Variants in ENOX2 observed in about 807,000 individuals in gnomAD.
The protein encoded by ENOX2 is ecto-NOX disulfide-thiol exchanger 2.
A neutral mutation model predicts 45.0 loss-of-function variants in ENOX2; 36 were observed. The observed-to-expected ratio is 0.80, with a 90% CI of 0.61 to 1.06. The LOEUF is 1.06. Ranked by LOEUF, ENOX2 falls within the 50% of genes least tolerant of loss-of-function variation. The pLI, the probability that ENOX2 is intolerant of heterozygous loss-of-function variation, is 0.00. For synonymous variants in ENOX2, 174 were observed against 152.3 expected, an observed-to-expected ratio of 1.14 and a Z score of -1.05; for missense variants, 423 against 462.5, an observed-to-expected ratio of 0.91 and a Z score of 0.78.
chrX:130,838,374 C>T (rs924301668), intron 2 of ENOX2, among the ~76,000 whole-genome samples: 18 of 111,632 alleles, frequency 1.6e-4, no homozygotes, highest in African/African-American at 5.2e-4. Context: ...AAGAGCGAAA[C>T]TCTGTCTCAA....
chrX:130,802,070 G>A (rs1040827485), intron 2 of ENOX2, among the ~76,000 whole-genome samples: 3 of 111,769 alleles, frequency 2.7e-5, no homozygotes, highest in African/African-American at 9.7e-5. Flanking sequence ...TCCCCCTGCC[G>A]CCCACATGCC....
In ENOX2 at chrX:130,747,300, A is replaced by C. The variant is rs1467271320; in HGVS notation, c.-39+36247T>G. Reference sequence around the variant, plus strand: ...TTTTTTCAACTCACTTAAGACAGCAATTAGCACTTAGCAGAAAGTCTGAAT... The same window carrying C: ...TTTTTTCAACTCACTTAAGACAGCACTTAGCACTTAGCAGAAAGTCTGAAT... On this transcript the variant is annotated intron_variant, in intron 3 of 14. Transcript: ENST00000394363. 3.6e-5 allele frequency among the ~76,000 whole-genome samples: 4 copies of C among 111,373 alleles called. No individual in the cohort carries two copies. In the Admixed American group the frequency reaches 3.8e-4, roughly 11 times the overall value.
intron 2 of ENOX2, among the ~76,000 whole-genome samples, chrX:130,888,773 C>A (rs2078945576): frequency 8.9e-6 from 1 of 111,899 alleles, no homozygotes; most frequent in Admixed American, 9.5e-5. Context: ...TCTTAAAATT[C>A]TATAGCAGGG....
intron 10 of ENOX2, among the ~76,000 whole-genome samples, chrX:130,651,706 T>C (rs891545259): frequency 2.7e-5 from 3 of 112,073 alleles, no homozygotes; most frequent in Non-Finnish European, 5.6e-5. Flanking sequence ...TTATTCCAAA[T>C]CGGTTCCCTT....
chrX:130,645,862 C>T (rs2036219957), intron 10 of ENOX2: 1 of 679,100 alleles, frequency 1.5e-6, no homozygotes, highest in East Asian at 3.2e-5. Context: ...GAGAGGAATC[C>T]CCTGCAGGTT....
intron 2 of ENOX2, among the ~76,000 whole-genome samples, chrX:130,879,024 C>T (rs1342832345): frequency 8.9e-6 from 1 of 111,886 alleles, no homozygotes; most frequent in Non-Finnish European, 1.9e-5. Context: ...ATATTCCTTA[C>T]CACAAATTGA....
rs1327590805 is a variant in ENOX2 at position 130,679,666 on chromosome X, C to T, written c.336G>A (p.Glu112=). 5.8e-6 allele frequency: 7 copies of T among 1,208,994 alleles called. No individual in the cohort carries two copies. In the South Asian group the frequency reaches 8.8e-5, roughly 15 times the overall value. ...FVGGLPENGT[E]QIIVEVFEQC... ...GCTCGAAAACTTCCACAATGATTTG[C>T]TCTGTCCCATTTTCAGGCAGACCAC... The change falls in exon 6 of 15, where the codon GAG becomes GAA. Residue 112 remains glutamate (E), a synonymous_variant. Transcript: ENST00000394363.
chrX:130,693,023 A>G (rs2037654176), intron 4 of ENOX2, among the ~76,000 whole-genome samples: 1 of 111,908 alleles, frequency 8.9e-6, no homozygotes. Context: ...TAATGTTTCC[A>G]TGTAGCTTTG....
At chrX:130,884,723 TGAGAGAGA>T (rs369147801) in intron 2 of ENOX2, among the ~76,000 whole-genome samples, 2 of 106,262 alleles carry the variant, frequency 1.9e-5, no homozygotes, top group Non-Finnish European at 3.9e-5. Context: ...TGCTGATCTA[TGAGAGAGA>T]GAGAGAGAGA....
At chrX:130,830,240 G>A (rs1048370357) in intron 2 of ENOX2, among the ~76,000 whole-genome samples, 2 of 111,681 alleles carry the variant, frequency 1.8e-5, no homozygotes, top group African/African-American at 6.5e-5. Context: ...GAGCAAATGG[G>A]CTTCACGTTC....
At chrX:130,782,564 T>C (rs2076912566) in intron 3 of ENOX2, among the ~76,000 whole-genome samples, 1 of 112,151 alleles carries the variant, frequency 8.9e-6, no homozygotes, top group African/African-American at 3.2e-5. Context: ...ACAAATATCT[T>C]GATTTATAAG....
chrX:130,834,025 T>G (rs896018855), intron 2 of ENOX2, among the ~76,000 whole-genome samples: 2 of 111,486 alleles, frequency 1.8e-5, no homozygotes, highest in African/African-American at 3.3e-5. Context: ...GGAGCTTACA[T>G]TTTAAATGGG....
At chrX:130,655,505 C>A (rs1324481386) in intron 10 of ENOX2, among the ~76,000 whole-genome samples, 1 of 111,801 alleles carries the variant, frequency 8.9e-6, no homozygotes, top group Non-Finnish European at 1.9e-5. Flanking sequence ...CACACACGCA[C>A]ACACACGTAC....
intron 10 of ENOX2, among the ~76,000 whole-genome samples, chrX:130,649,520 A>G (rs1285594151): frequency 8.9e-6 from 1 of 111,815 alleles, no homozygotes; most frequent in Non-Finnish European, 1.9e-5. Flanking sequence ...TCTGGTTAGA[A>G]GTATCTTCTA....
At chrX:130,627,582 A>G (rs1392878440) in intron 14 of ENOX2, among the ~76,000 whole-genome samples, 1 of 110,689 alleles carries the variant, frequency 9.0e-6, no homozygotes, top group African/African-American at 3.3e-5. Flanking sequence ...CCCTGTCTCA[A>G]AAAAAAAAGT....
intron 3 of ENOX2, among the ~76,000 whole-genome samples, chrX:130,769,488 G>A (rs909589548): frequency 5.4e-5 from 6 of 112,102 alleles, no homozygotes; most frequent in South Asian, 3.7e-4. Flanking sequence ...CTGATTAAAT[G>A]AGAGTAAATT....
intron 7 of ENOX2, among the ~76,000 whole-genome samples, chrX:130,668,921 C>A (rs747377766): frequency 8.9e-6 from 1 of 112,164 alleles, no homozygotes; most frequent in Non-Finnish European, 1.9e-5. Context: ...TTGGACCTGG[C>A]GTCTTACCAA....
intron 2 of ENOX2, among the ~76,000 whole-genome samples, chrX:130,857,577 T>C: frequency 8.9e-6 from 1 of 111,873 alleles, no homozygotes; most frequent in Non-Finnish European, 1.9e-5. Context: ...CAGTTAACAA[T>C]ACTCATTGTA....
At chrX:130,777,493 C>CA (rs1206232015) in intron 3 of ENOX2, among the ~76,000 whole-genome samples, 663 of 78,431 alleles carry the variant, frequency 8.5e-3, no homozygotes, top group African/African-American at 0.013. Context: ...CTCTCTCTCT[C>CA]AAAAAAAAAA....
Sources: allele counts gnomAD v4.1 joint callset (sites outside exome capture counted in the v4.1 genomes callset), GRCh38; gene constraint gnomAD v4.1.1; transcripts MANE v1.5; gene names NCBI Gene and HGNC (gene_info 2026-07-23, HGNC 2026-07-21).